The following AJAP1 variants were observed in gnomAD, a reference collection of about 807,000 sequenced individuals.
AJAP1 encodes adherens junctions associated protein 1.
In AJAP1, 5 loss-of-function variants were observed where a neutral mutation model predicts 35.0. The observed-to-expected ratio is 0.14, with a 90% confidence interval of 0.07 to 0.30. The LOEUF (loss-of-function observed/expected upper bound fraction) is 0.30. Ranked by LOEUF, AJAP1 falls within the 10% of genes least tolerant of loss-of-function variation. The pLI is 1.00. For missense variants in AJAP1, 586 were observed against 571.0 expected (o/e 1.03, Z -0.27); for synonymous variants, 284 against 249.3 (o/e 1.14, Z -1.31).
intron 5 of AJAP1, among the ~76,000 whole-genome samples, chr1:4,779,119 A>C (rs1236434729): frequency 6.6e-6 from 1 of 152,192 alleles, no homozygotes; most frequent in Non-Finnish European, 1.5e-5. Flanking sequence ...GTGTGTAGGA[A>C]GGAATGGGGC....
intron 1 of AJAP1, among the ~76,000 whole-genome samples, chr1:4,684,788 A>G (rs1412909461): frequency 2.0e-5 from 3 of 152,048 alleles, no homozygotes; most frequent in East Asian, 3.9e-4. Context: ...ATGCAATGGG[A>G]TCGCCGTTGA....
chr1:4,709,268 G>A (rs1640168463), intron 1 of AJAP1, among the ~76,000 whole-genome samples: 2 of 149,866 alleles, frequency 1.3e-5, no homozygotes, highest in African/African-American at 2.4e-5. Flanking sequence ...CCTGATGGGG[G>A]CCGGTGGGGC....
chr1:4,672,028 C>T (rs760741103), intron 1 of AJAP1, among the ~76,000 whole-genome samples: 4 of 152,306 alleles, frequency 2.6e-5, no homozygotes, highest in South Asian at 2.1e-4. Context: ...TCAGCCTGGG[C>T]GCAGTCGCGT....
At chr1:4,761,111 C>T (rs1641554937) in intron 2 of AJAP1, among the ~76,000 whole-genome samples, 1 of 152,198 alleles carries the variant, frequency 6.6e-6, no homozygotes. Flanking sequence ...AGCCTTTTAA[C>T]TCAGAGGGTA....
intron 2 of AJAP1, among the ~76,000 whole-genome samples, chr1:4,758,445 G>C (rs531736403): frequency 6.6e-6 from 1 of 152,278 alleles, no homozygotes; most frequent in Admixed American, 6.5e-5. Flanking sequence ...TACAATCATG[G>C]CAGAAGTTGA....
intron 1 of AJAP1, among the ~76,000 whole-genome samples, chr1:4,711,634 G>A (rs1330029231): frequency 6.6e-6 from 1 of 152,206 alleles, no homozygotes; most frequent in Non-Finnish European, 1.5e-5. Context: ...GCGACCGGCC[G>A]GCTCTGTGCC....
intron 2 of AJAP1, among the ~76,000 whole-genome samples, chr1:4,752,977 C>CT (rs1641352057): frequency 6.6e-6 from 1 of 152,194 alleles, no homozygotes; most frequent in Non-Finnish European, 1.5e-5. Context: ...GGCCACATGC[C>CT]TTTGTTCTGG....
At chr1:4,679,110 C>T (rs1639421761) in intron 1 of AJAP1, among the ~76,000 whole-genome samples, 1 of 152,330 alleles carries the variant, frequency 6.6e-6, no homozygotes, top group Admixed American at 6.5e-5. Context: ...CAGCTCAGTG[C>T]CATGCATTTG....
In AJAP1 at chr1:4,655,521, T is replaced by C. The variant is rs1487040823; in HGVS notation, c.29+67T>C. The C allele has an allele frequency of 2.6e-6, 4 of 1,530,616 alleles. No homozygotes were observed. In the African/African-American group the frequency reaches 4.3e-5, roughly 16 times the overall value. The allele number at this position is 1,530,616 out of a possible 1,614,324, so 94.8% of individuals were successfully genotyped here. A position where few individuals can be genotyped will look rare whatever the true frequency, so the allele number is the denominator to read the frequency against. Reference sequence around the variant, plus strand: ...GTGCCAGGCTGGGCGGAAGCGGCGCTTTCCTCTATGTTGCAAATCAAGGGA... The same window carrying C: ...GTGCCAGGCTGGGCGGAAGCGGCGCCTTCCTCTATGTTGCAAATCAAGGGA... On this transcript the variant is annotated intron_variant, in intron 1 of 5. Transcript: ENST00000378191. This position sits in a 1 kb window ranked among gnomAD's most constrained non-coding sequence, Gnocchi z 6.9.
At position 4,769,881 on chromosome 1, in the gene AJAP1, C is replaced by A; in HGVS notation, c.858C>A (p.Ile286=). ...TGGCTGTCCATCAGATCATCACCAT[C>A]ACCGTCTCCCTCATCATGGTCATAG... ...SGLAVHQIIT[I]TVSLIMVIAA... Residue 286 remains isoleucine (I), a synonymous_variant, in exon 3 of 6, where the codon ATC becomes ATA. Transcript: ENST00000378191. 1.2e-6 allele frequency: 2 copies of A among 1,614,124 alleles called. No individual in the cohort carries two copies. The highest frequency in any genetic ancestry group is 1.7e-6 in the Non-Finnish European group (2 of 1,180,000).
chr1:4,681,752 C>G (rs916709494), intron 1 of AJAP1, among the ~76,000 whole-genome samples: 1 of 152,156 alleles, frequency 6.6e-6, no homozygotes, highest in Non-Finnish European at 1.5e-5. Flanking sequence ...AGAGGCAGAC[C>G]ACGTGCAGGA....
rs540717867 is a variant in AJAP1 at position 4,666,497 on chromosome 1, C to T, written c.29+11043C>T. On this transcript the variant is annotated intron_variant, in intron 1 of 5. Transcript: ENST00000378191. ...GAGTGAGGGGTGCAGAGAGGGGGCC[C>T]GTGACTCACAGGAGGGGTGCGGAGA... 3.6e-4 allele frequency among the ~76,000 whole-genome samples: 55 copies of T among 150,948 alleles called. 2 individuals are homozygous for T. The highest frequency in any genetic ancestry group is 3.5e-3 in the Middle Eastern group (1 of 286).
At chr1:4,770,445 C>A (rs1279794389) in intron 3 of AJAP1, among the ~76,000 whole-genome samples, 3 of 152,174 alleles carry the variant, frequency 2.0e-5, no homozygotes, top group African/African-American at 7.2e-5. Flanking sequence ...AGGCAGCCTG[C>A]CTTTGCCTAT....
intron 1 of AJAP1, among the ~76,000 whole-genome samples, chr1:4,703,518 C>A (rs1640034411): frequency 6.6e-6 from 1 of 152,152 alleles, no homozygotes; most frequent in Non-Finnish European, 1.5e-5. Context: ...GCAGAACCAC[C>A]AGGGAACTTG....
At chr1:4,666,883 TG>T (rs1639139326) in intron 1 of AJAP1, among the ~76,000 whole-genome samples, 1 of 145,906 alleles carries the variant, frequency 6.9e-6, no homozygotes, top group African/African-American at 2.6e-5. Context: ...GAGGGGCCCA[TG>T]AATCACGGGA....
Position 4,667,912 on chromosome 1 carries a change from T to C in AJAP1, c.29+12458T>C, listed in dbSNP as rs184011075. Among the ~76,000 whole-genome samples, 32 of 152,284 alleles carry C rather than the reference T, an allele frequency of 2.1e-4. 1 individual carries two copies. Among genetic ancestry groups the C allele is most frequent in the Admixed American group, 8.5e-4 (13 of 15,294 alleles). ...CGTTTGGGGAAGTTGGATTCCTCCC[T>C]AAAGAATGCCGTTAGGGTAAGGCCA... On this transcript the variant is annotated intron_variant, in intron 1 of 5. Coordinates refer to ENST00000378191, the MANE Select transcript of AJAP1 (RefSeq NM_018836.4).
Position 4,772,381 on chromosome 1 carries a change from T to A in AJAP1, c.1019T>A (p.Val340Glu). 6 of 1,614,146 alleles carry A rather than the reference T, an allele frequency of 3.7e-6. No individual in the cohort carries two copies. In the East Asian group the frequency reaches 1.3e-4, roughly 36 times the overall value. Residue 340 changes from valine to glutamate, a missense_variant, in exon 4 of 6, where the codon GTG becomes GAG. Transcript: ENST00000378191. The stretch of plus-strand genomic sequence containing the variant: ...CTCACGGACTTCCCCTCGGCCCGGG[T>A]GCCCAGCAGCCTGGACATATTCACG... ...QNLTDFPSAR[V>E]PSSLDIFTAY...
intron 2 of AJAP1, among the ~76,000 whole-genome samples, chr1:4,758,763 G>A (rs533233490): frequency 6.6e-6 from 1 of 152,294 alleles, no homozygotes; most frequent in South Asian, 2.1e-4. Context: ...TGGAGAGTGT[G>A]GTGCATACGT....
chr1:4,782,939 G>A lies in AJAP1; in HGVS notation c.*454G>A, dbSNP rs1451624689. On this transcript the variant is annotated 3_prime_UTR_variant, in exon 6 of 6. Transcript: ENST00000378191. The surrounding 1 kb of genome is among the most constrained non-coding windows in gnomAD (Gnocchi z 5.3). Reference sequence around the variant, plus strand: ...CTCGGCCGCAGAGCCGGGGCCCAGCGAATCACGCAGAGAAATCTTACAGAA... The same window carrying A: ...CTCGGCCGCAGAGCCGGGGCCCAGCAAATCACGCAGAGAAATCTTACAGAA... 2.0e-5 allele frequency: 8 copies of A among 397,958 alleles called. No homozygotes were observed. Among genetic ancestry groups the A allele is most frequent in the East Asian group, 3.6e-5 (1 of 28,068 alleles). 24.7% of individuals were successfully genotyped at this position (397,958 alleles called of 1,614,324 possible).
Sources: gnomAD v4.1 joint callset for allele counts (sites outside exome capture counted in the v4.1 genomes callset) on GRCh38, gnomAD v4.1.1 for gene constraint, Gnocchi (gnomAD v3.1) non-coding constraint, MANE v1.5 for transcripts, NCBI Gene and HGNC (gene_info 2026-07-23, HGNC 2026-07-21) for gene names.